RNF150: variants seen among roughly 807,000 people sequenced by gnomAD.
RNF150 encodes the protein ring finger protein 150.
RNF150 carries 24 observed loss-of-function variants against 39.3 expected under a neutral mutation model. That is an observed-to-expected ratio of 0.61 (90% CI 0.44 to 0.86). The LOEUF is 0.86. Ranked by LOEUF, RNF150 falls within the 40% of genes least tolerant of loss-of-function variation. The pLI, the probability that RNF150 is intolerant of heterozygous loss-of-function variation, is 0.00. For missense variants in RNF150, 502 were observed against 587.8 expected (o/e 0.85, Z 1.51); for synonymous variants, 255 against 227.3 (o/e 1.12, Z -1.10).
intron 1 of RNF150, among the ~76,000 whole-genome samples, chr4:141,163,020 C>T (rs558367148): frequency 9.1e-4 from 138 of 152,336 alleles, no homozygotes; most frequent in African/African-American, 3.2e-3. Flanking sequence ...CAGAGCCCAC[C>T]ACCACGGAGC....
In RNF150 at chr4:141,002,547, C is replaced by T. The variant is rs117179373; in HGVS notation, c.485-34674G>A. Reference sequence around the variant, plus strand: ...CCCCTGTGAGTTGCTCAATATGCTTCGCAGCTAACAGAATACATCTCCTTT... The same window carrying T: ...CCCCTGTGAGTTGCTCAATATGCTTTGCAGCTAACAGAATACATCTCCTTT... On this transcript the variant is annotated intron_variant, in intron 1 of 6. Coordinates refer to ENST00000515673, the MANE Select transcript of RNF150 (RefSeq NM_020724.2). Among the ~76,000 whole-genome samples, 183 of 152,274 alleles carry T rather than the reference C, an allele frequency of 1.2e-3. 3 individuals carry two copies. The East Asian group carries it at 0.019, about 16-fold the overall frequency.
At chr4:140,899,974 C>CTCTCTCTCTCTCTCTCTG (rs1365683071) in intron 6 of RNF150, among the ~76,000 whole-genome samples, 3 of 69,220 alleles carry the variant, frequency 4.3e-5, no homozygotes, top group African/African-American at 1.3e-4. Context: ...CTCTCTCTCT[C>CTCTCTCTCTCTCTCTCTG]TGTGTGTGTG....
intron 4 of RNF150, among the ~76,000 whole-genome samples, chr4:140,942,493 A>T (rs1182605564): frequency 1.3e-5 from 2 of 152,248 alleles, no homozygotes. Flanking sequence ...CCTGTTCCCA[A>T]ATAAGACCTT....
chr4:141,197,248 A>T (rs1380117558), intron 1 of RNF150, among the ~76,000 whole-genome samples: 1 of 152,186 alleles, frequency 6.6e-6, no homozygotes, highest in Non-Finnish European at 1.5e-5. Flanking sequence ...ATGTAACTTG[A>T]ATATATGTTA....
intron 1 of RNF150, among the ~76,000 whole-genome samples, chr4:141,204,311 T>A (rs1728340583): frequency 6.6e-6 from 1 of 152,128 alleles, no homozygotes; most frequent in Non-Finnish European, 1.5e-5. Context: ...CATAATCTAT[T>A]GGAAGTGAGA....
At chr4:141,002,039 C>T (rs1354085269) in intron 1 of RNF150, among the ~76,000 whole-genome samples, 2 of 151,916 alleles carry the variant, frequency 1.3e-5, no homozygotes, top group East Asian at 3.9e-4. Flanking sequence ...GTATATGTAT[C>T]TATGTATATT....
Position 141,005,007 on chromosome 4 carries a change from G to A in RNF150, c.485-37134C>T, listed in dbSNP as rs185655914. ...AAACAGCATGGCATGTTCAGAGAGC[G>A]TTGGGGAGAAGTGGGGAGATTAGGA... On this transcript the variant is annotated intron_variant, in intron 1 of 6. Coordinates refer to ENST00000515673, the MANE Select transcript of RNF150 (RefSeq NM_020724.2). 1.3e-3 allele frequency among the ~76,000 whole-genome samples: 197 copies of A among 152,286 alleles called. 1 individual carries two copies. The highest frequency in any genetic ancestry group is 4.4e-3 in the Admixed American group (68 of 15,296).
intron 1 of RNF150, among the ~76,000 whole-genome samples, chr4:141,095,049 G>T (rs1738720477): frequency 6.6e-6 from 1 of 152,180 alleles, no homozygotes; most frequent in Non-Finnish European, 1.5e-5. Context: ...GAGAGTTGAG[G>T]ACATAGAGCA....
intron 1 of RNF150, among the ~76,000 whole-genome samples, chr4:141,189,510 C>A (rs1168418638): frequency 2.0e-5 from 3 of 152,142 alleles, no homozygotes; most frequent in Non-Finnish European, 4.4e-5. Flanking sequence ...CTGCCCCTTC[C>A]CCCAGGAGCT....
In RNF150 at chr4:140,911,129, T is replaced by G; in HGVS notation, c.1198+15A>C. 1 of 1,601,048 alleles carries G rather than the reference T, an allele frequency of 6.2e-7. No homozygotes were observed. The highest frequency in any genetic ancestry group is 8.6e-7 in the Non-Finnish European group (1 of 1,168,588). On this transcript the variant is annotated intron_variant, in intron 6 of 6. Transcript: ENST00000515673. ...GTCCTTCTGGCTATGTCACTTTAAG[T>G]ATGGCAGAACTCACTGTTAGTAGTA...
rs955309635 is a variant in RNF150, at chr4:140,866,143, A to G, written c.*2118T>C. On this transcript the variant is annotated 3_prime_UTR_variant, in exon 7 of 7. Coordinates refer to ENST00000515673, the MANE Select transcript of RNF150 (RefSeq NM_020724.2). ...TGGACTTAAAACTTCAATCATTTAG[A>G]TTTTCATTCTCAGCACCATAGTTGT... The G allele has an allele frequency of 6.6e-6, 1 of 152,196 alleles. No homozygotes were observed. Among genetic ancestry groups the G allele is most frequent in the African/African-American group, 2.4e-5 (1 of 41,444 alleles). 9.4% of individuals were successfully genotyped at this position (152,196 alleles called of 1,614,324 possible). A position where few individuals can be genotyped will look rare whatever the true frequency, so the allele number is the denominator to read the frequency against.
intron 1 of RNF150, among the ~76,000 whole-genome samples, chr4:141,088,407 A>C (rs1738450232): frequency 6.6e-6 from 1 of 152,220 alleles, no homozygotes; most frequent in Non-Finnish European, 1.5e-5. Context: ...ACTGGGCTTG[A>C]AAGAACCTGA....
intron 1 of RNF150, among the ~76,000 whole-genome samples, chr4:141,208,905 A>G (rs1728418296): frequency 1.3e-5 from 2 of 152,178 alleles, no homozygotes; most frequent in South Asian, 4.1e-4. Flanking sequence ...GGTCAGAGAC[A>G]AAGGATTTCA....
intron 6 of RNF150, among the ~76,000 whole-genome samples, chr4:140,868,769 CA>C (rs1232295864): frequency 6.6e-6 from 1 of 151,844 alleles, no homozygotes; most frequent in Admixed American, 6.6e-5. Context: ...CAGGAATTTG[CA>C]AAAAATTTCA....
chr4:141,082,596 AT>A (rs10708784), intron 1 of RNF150, among the ~76,000 whole-genome samples: 44,222 of 149,950 alleles, frequency 0.29, 7,485 homozygotes, highest in East Asian at 0.74. Context: ...TTTATTTTTT[AT>A]TTTTTTTTTG....
chr4:141,010,050 T>G (rs1735019306), intron 1 of RNF150, among the ~76,000 whole-genome samples: 1 of 152,248 alleles, frequency 6.6e-6, no homozygotes, highest in African/African-American at 2.4e-5. Context: ...TACTCTTAAG[T>G]GCTTAAACTC....
At chr4:141,062,119 A>T (rs1481574406) in intron 1 of RNF150, among the ~76,000 whole-genome samples, 1 of 152,080 alleles carries the variant, frequency 6.6e-6, no homozygotes, top group South Asian at 2.1e-4. Flanking sequence ...GCAGAGAAAT[A>T]ACCTTATTAA....
intron 1 of RNF150, among the ~76,000 whole-genome samples, chr4:141,048,258 G>A (rs939485103): frequency 7.2e-5 from 11 of 152,324 alleles, no homozygotes; most frequent in South Asian, 4.1e-4. Flanking sequence ...AGGATGATTC[G>A]CAGCAATGGC....
At chr4:141,018,413 G>A (rs1022734717) in intron 1 of RNF150, among the ~76,000 whole-genome samples, 1 of 152,042 alleles carries the variant, frequency 6.6e-6, no homozygotes, top group Non-Finnish European at 1.5e-5. Context: ...TCACATCCCT[G>A]CTTGTGAAAC....
Sources: allele counts gnomAD v4.1 joint callset (sites outside exome capture counted in the v4.1 genomes callset), GRCh38; gene constraint gnomAD v4.1.1; transcripts MANE v1.5; gene names NCBI Gene and HGNC (gene_info 2026-07-23, HGNC 2026-07-21).